The following DOCK4 variants were observed in gnomAD, a reference collection of about 807,000 sequenced individuals.
DOCK4 encodes dedicator of cytokinesis protein 4.
A neutral mutation model predicts 268.1 loss-of-function variants in DOCK4; 97 were observed. The ratio of observed to expected loss-of-function variants is 0.36; its 90% CI spans 0.31 to 0.43. DOCK4 has a LOEUF of 0.43. Among genes scored for constraint, DOCK4 ranks in the 20% least tolerant of loss-of-function variants. The probability of loss-of-function intolerance (pLI) is 1.00; values close to 1 mark genes in which losing one functional copy is unlikely to be tolerated. For missense variants in DOCK4, 2,145 were observed against 2,455.7 expected, an observed-to-expected ratio of 0.87 and a Z score of 2.67; for synonymous variants, 954 against 887.2, an observed-to-expected ratio of 1.08 and a Z score of -1.34.
chr7:111,896,487 GTTT>G (rs79817951), intron 15 of DOCK4, among the ~76,000 whole-genome samples: 1 of 138,538 alleles, frequency 7.2e-6, no homozygotes, highest in Non-Finnish European at 1.6e-5. Context: ...TTCCACCAAG[GTTT>G]TTTTTTTTTT....
chr7:111,816,104 C>T (rs1482847256), intron 27 of DOCK4, among the ~76,000 whole-genome samples: 1 of 152,108 alleles, frequency 6.6e-6, no homozygotes, highest in Non-Finnish European at 1.5e-5. Context: ...TCATTTTGGG[C>T]TTAAGAAATA....
At chr7:112,026,599 A>G (rs775178138) in intron 1 of DOCK4, among the ~76,000 whole-genome samples, 3 of 152,252 alleles carry the variant, frequency 2.0e-5, no homozygotes, top group Non-Finnish European at 2.9e-5. Context: ...AAATTTTAAA[A>G]GAGTAATATT....
chr7:111,934,526 T>TTTGTTTTTG (rs1489899790), intron 12 of DOCK4, among the ~76,000 whole-genome samples: 8 of 119,486 alleles, frequency 6.7e-5, no homozygotes, highest in Non-Finnish European at 9.6e-5. Flanking sequence ...TGTTTTTGTT[T>TTTGTTTTTG]TTTTTTTTTT....
chr7:111,802,445 A>G (rs1022164838), intron 30 of DOCK4, among the ~76,000 whole-genome samples: 6 of 152,210 alleles, frequency 3.9e-5, no homozygotes, highest in African/African-American at 1.4e-4. Flanking sequence ...GTAAGACACT[A>G]AACCTTTGCA....
At chr7:111,776,199 T>G (rs1224751120) in intron 36 of DOCK4, among the ~76,000 whole-genome samples, 1 of 152,128 alleles carries the variant, frequency 6.6e-6, no homozygotes, top group East Asian at 1.9e-4. Flanking sequence ...GCAAAAGCAA[T>G]GAAAAGATGC....
intron 1 of DOCK4, among the ~76,000 whole-genome samples, chr7:112,098,866 C>A (rs1810406742): frequency 6.6e-6 from 1 of 151,318 alleles, no homozygotes; most frequent in Non-Finnish European, 1.5e-5. Context: ...AAATACTAGA[C>A]CCAAATGAAC....
intron 1 of DOCK4, among the ~76,000 whole-genome samples, chr7:112,162,866 T>C (rs60784805): frequency 6.8e-4 from 104 of 152,296 alleles, no homozygotes; most frequent in African/African-American, 2.5e-3. Flanking sequence ...TAACATATAA[T>C]GTTCTCAAGC....
chr7:111,940,075 C>T (rs971443418), intron 11 of DOCK4, 35 bp downstream of exon 11: 5 of 1,611,752 alleles, frequency 3.1e-6, no homozygotes, highest in Non-Finnish European at 4.2e-6. Flanking sequence ...TACCCCTGTG[C>T]CTACCCCAGC....
chr7:111,913,606 T>G (rs1242279710), intron 13 of DOCK4, among the ~76,000 whole-genome samples: 7 of 151,314 alleles, frequency 4.6e-5, no homozygotes, highest in African/African-American at 7.3e-5. Context: ...AGATGGGGTT[T>G]CACCATGTTA....
At chr7:111,749,544 A>C (rs1262590057) in intron 42 of DOCK4, among the ~76,000 whole-genome samples, 1 of 152,228 alleles carries the variant, frequency 6.6e-6, no homozygotes, top group Non-Finnish European at 1.5e-5. Flanking sequence ...TTATAAATTC[A>C]AATGCTATTA....
At chr7:111,755,474 CTG>C in intron 42 of DOCK4, 39 bp downstream of exon 42, 9 of 1,588,224 alleles carry the variant, frequency 5.7e-6, no homozygotes, top group African/African-American at 1.3e-5. Context: ...AAGTGAACAA[CTG>C]TGATGAGAAA....
intron 1 of DOCK4, among the ~76,000 whole-genome samples, chr7:112,127,138 T>G (rs1813297434): frequency 6.7e-6 from 1 of 150,072 alleles, no homozygotes; most frequent in Admixed American, 6.6e-5. Context: ...TTATTCACAA[T>G]AGCAAAGACT....
intron 12 of DOCK4, among the ~76,000 whole-genome samples, chr7:111,927,632 T>G (rs949904814): frequency 6.6e-6 from 1 of 152,256 alleles, no homozygotes; most frequent in African/African-American, 2.4e-5. Context: ...TCTAGGTTTT[T>G]TAAACAGGCT....
intron 25 of DOCK4, chr7:111,840,942 C>A: frequency 1.3e-6 from 1 of 794,570 alleles, no homozygotes; most frequent in Non-Finnish European, 1.9e-6. Context: ...AAGACAAGAC[C>A]AGGGCATATT....
chr7:112,067,413 T>C (rs1398591368), intron 1 of DOCK4, among the ~76,000 whole-genome samples: 1 of 151,824 alleles, frequency 6.6e-6, no homozygotes, highest in East Asian at 1.9e-4. Flanking sequence ...CAATCTGAGA[T>C]AGGGAAGAGA....
At chr7:111,796,804 G>A (rs1333201188) in intron 30 of DOCK4, among the ~76,000 whole-genome samples, 3 of 152,174 alleles carry the variant, frequency 2.0e-5, no homozygotes, top group African/African-American at 7.2e-5. Flanking sequence ...GGAAGTGAAA[G>A]GGGGAATCAT....
At chr7:112,066,682 TACATATAC>T (rs1175115070) in intron 1 of DOCK4, among the ~76,000 whole-genome samples, 647 of 15,470 alleles carry the variant, frequency 0.042, 76 homozygotes, top group African/African-American at 0.17. Flanking sequence ...TATACATATA[TACATATAC>T]ATATATATAT....
chr7:112,086,189 A>G (rs1410273934), intron 1 of DOCK4, among the ~76,000 whole-genome samples: 4 of 152,132 alleles, frequency 2.6e-5, no homozygotes, highest in African/African-American at 9.7e-5. Flanking sequence ...ATACATGAAT[A>G]TATAGTACGT....
At chr7:111,928,619 G>A (rs542579245) in intron 12 of DOCK4, among the ~76,000 whole-genome samples, 3 of 140,822 alleles carry the variant, frequency 2.1e-5, no homozygotes, top group Non-Finnish European at 4.5e-5. Flanking sequence ...ATGGAGTCTC[G>A]CTCTGTCACC....
Sources: allele counts gnomAD v4.1 joint callset (sites outside exome capture counted in the v4.1 genomes callset), GRCh38; gene constraint gnomAD v4.1.1; transcripts MANE v1.5; gene names NCBI Gene and HGNC (gene_info 2026-07-23, HGNC 2026-07-21).